The following QTGAL variants were observed in gnomAD, a reference collection of about 807,000 sequenced individuals.
QTGAL encodes queuosine-tRNA galactosyltransferase.
the QTGAL span, chr17:82,947,491 T>G: frequency 6.5e-6 from 1 of 154,424 alleles, no homozygotes; most frequent in Non-Finnish European, 1.4e-5. Flanking sequence ...CCTGGATGCT[T>G]AATCTTGTCC....
At chr17:82,985,263 C>G in the QTGAL span, among the ~76,000 whole-genome samples, 1 of 152,228 alleles carries the variant, frequency 6.6e-6, no homozygotes. Context: ...AAAGTCAAAT[C>G]AAAATATGCC....
chr17:82,999,330 A>G, the QTGAL span, among the ~76,000 whole-genome samples: 2 of 152,246 alleles, frequency 1.3e-5, no homozygotes, highest in Non-Finnish European at 2.9e-5. Flanking sequence ...AGGCTTGTAC[A>G]CAAATGTGCA....
chr17:83,010,831 G>A, the QTGAL span, among the ~76,000 whole-genome samples: 3 of 152,152 alleles, frequency 2.0e-5, no homozygotes, highest in Admixed American at 6.5e-5. Flanking sequence ...CCATTCCCCC[G>A]ACAGGCAAGC....
the QTGAL span, among the ~76,000 whole-genome samples, chr17:83,027,201 G>A: frequency 1.3e-5 from 2 of 152,192 alleles, no homozygotes; most frequent in South Asian, 4.1e-4. Context: ...CACAGAGCAG[G>A]GCAGGGAGCC....
the QTGAL span, among the ~76,000 whole-genome samples, chr17:82,970,664 G>GCACCCAGCGTGGCCGCGACCTCCC: frequency 2.9e-5 from 3 of 104,382 alleles, no homozygotes; most frequent in Non-Finnish European, 6.2e-5. Flanking sequence ...CGCGACCTCC[G>GCACCCAGCGTGGCCGCGACCTCCC]CACCCAGCGT....
the QTGAL span, among the ~76,000 whole-genome samples, chr17:83,020,871 T>C: frequency 6.6e-6 from 1 of 152,128 alleles, no homozygotes; most frequent in African/African-American, 2.4e-5. Flanking sequence ...CTGCATTTAA[T>C]TTGGGGAAGA....
the QTGAL span, among the ~76,000 whole-genome samples, chr17:82,977,513 A>G: frequency 1.3e-5 from 2 of 152,110 alleles, no homozygotes; most frequent in Non-Finnish European, 2.9e-5. Flanking sequence ...TTCTTTGTTT[A>G]AAAGCACTCA....
At chr17:82,984,277 GCC>G in the QTGAL span, among the ~76,000 whole-genome samples, 16 of 58,064 alleles carry the variant, frequency 2.8e-4, 1 homozygote, top group Middle Eastern at 7.9e-3. Context: ...CAGGGGAGAG[GCC>G]ACGTGAGCAC....
chr17:83,045,737 A>C, the QTGAL span, among the ~76,000 whole-genome samples: 1 of 152,246 alleles, frequency 6.6e-6, no homozygotes, highest in Non-Finnish European at 1.5e-5. Context: ...TTCAACAATG[A>C]AAACACATAC....
At chr17:82,963,130 C>T in the QTGAL span, among the ~76,000 whole-genome samples, 16 of 152,318 alleles carry the variant, frequency 1.1e-4, no homozygotes, top group East Asian at 3.1e-3. Context: ...AATCTGCTCA[C>T]AGAACCATCC....
chr17:82,963,532 AAC>A, the QTGAL span, among the ~76,000 whole-genome samples: 1 of 152,184 alleles, frequency 6.6e-6, no homozygotes, highest in East Asian at 1.9e-4. Context: ...CAAACCAGGA[AAC>A]AGAGACCCCT....
the QTGAL span, among the ~76,000 whole-genome samples, chr17:83,023,034 C>A: frequency 2.2e-4 from 3 of 13,720 alleles, no homozygotes; most frequent in South Asian, 3.2e-3. Context: ...GCACTGTCCC[C>A]GGCCCACCTG....
At chr17:82,964,200 T>G in the QTGAL span, among the ~76,000 whole-genome samples, 7 of 144,862 alleles carry the variant, frequency 4.8e-5, no homozygotes, top group African/African-American at 7.8e-5. Context: ...GAGGCAGAGG[T>G]TGTAGTGAGT....
the QTGAL span, among the ~76,000 whole-genome samples, chr17:83,010,883 C>G: frequency 1.3e-5 from 2 of 152,196 alleles, no homozygotes; most frequent in Non-Finnish European, 2.9e-5. Flanking sequence ...CGTCTTTGTT[C>G]CTCCGCGTCG....
chr17:82,978,131 T>C, the QTGAL span, among the ~76,000 whole-genome samples: 7 of 152,040 alleles, frequency 4.6e-5, no homozygotes, highest in African/African-American at 1.7e-4. This position sits in a 1 kb window ranked among gnomAD's most constrained non-coding sequence, Gnocchi z 4.8. Flanking sequence ...CTAAAATCCT[T>C]TATTTCTATA....
chr17:83,000,380 G>A, the QTGAL span, among the ~76,000 whole-genome samples: 4 of 152,184 alleles, frequency 2.6e-5, no homozygotes, highest in East Asian at 1.9e-4. Flanking sequence ...CGGCTGTGCC[G>A]GCAGGAGGGG....
the QTGAL span, among the ~76,000 whole-genome samples, chr17:83,029,319 A>G: frequency 6.6e-6 from 1 of 152,274 alleles, no homozygotes; most frequent in East Asian, 1.9e-4. Context: ...GTTCCAGAAT[A>G]CTACAGTGGT....
chr17:82,976,387 A>G, the QTGAL span, among the ~76,000 whole-genome samples: 1 of 30,872 alleles, frequency 3.2e-5, no homozygotes, highest in Non-Finnish European at 5.4e-5. Flanking sequence ...GCCACTATGG[A>G]GAGTCAGGGC....
At chr17:82,955,472 G>C in the QTGAL span, among the ~76,000 whole-genome samples, 1 of 152,188 alleles carries the variant, frequency 6.6e-6, no homozygotes, top group Admixed American at 6.5e-5. Flanking sequence ...CAGTCAGAAT[G>C]GCGATTTCTA....
Sources: allele counts gnomAD v4.1 joint callset (sites outside exome capture counted in the v4.1 genomes callset), GRCh38; gene constraint gnomAD v4.1.1; non-coding constraint Gnocchi (gnomAD v3.1); transcripts MANE v1.5; gene names NCBI Gene and HGNC (gene_info 2026-07-23, HGNC 2026-07-21).